SAMD12: variants seen among roughly 807,000 people sequenced by gnomAD.
SAMD12 encodes the protein sterile alpha motif domain containing 12.
A neutral mutation model predicts 15.0 loss-of-function variants in SAMD12; 9 were observed. The ratio of observed to expected loss-of-function variants is 0.60; its 90% CI spans 0.36 to 1.05. SAMD12 has a LOEUF of 1.05. Ranked by LOEUF, SAMD12 falls within the 50% of genes least tolerant of loss-of-function variation. SAMD12 has a pLI of 0.01. For missense variants in SAMD12, 230 were observed against 234.2 expected (o/e 0.98, Z 0.12); for synonymous variants, 86 against 90.1 (o/e 0.96, Z 0.25).
intron 3 of SAMD12, among the ~76,000 whole-genome samples, chr8:118,414,575 G>T (rs1308735131): frequency 6.6e-6 from 1 of 152,160 alleles, no homozygotes; most frequent in African/African-American, 2.4e-5. Context: ...TTTAAAATGA[G>T]GCTAAATATG....
chr8:118,223,429 T>A (rs1402416878), intron 4 of SAMD12, among the ~76,000 whole-genome samples: 2 of 152,164 alleles, frequency 1.3e-5, no homozygotes, highest in Non-Finnish European at 2.9e-5. Context: ...GCCAAAAACA[T>A]CTTAGCATTT....
At chr8:118,241,533 GAGAAGTTTA>G (rs1239838776) in intron 4 of SAMD12, among the ~76,000 whole-genome samples, 2 of 152,174 alleles carry the variant, frequency 1.3e-5, no homozygotes, top group Non-Finnish European at 2.9e-5. Flanking sequence ...CTTTTTCATG[GAGAAGTTTA>G]AGATGATTAT....
intron 2 of SAMD12, among the ~76,000 whole-genome samples, chr8:118,568,693 G>A (rs950575093): frequency 1.3e-5 from 2 of 152,192 alleles, no homozygotes; most frequent in Admixed American, 6.5e-5. Flanking sequence ...CCATCAGCAA[G>A]ATGGCAAGTC....
At chr8:118,201,700 T>A (rs1350828746) in intron 4 of SAMD12, among the ~76,000 whole-genome samples, 4 of 152,218 alleles carry the variant, frequency 2.6e-5, no homozygotes. Flanking sequence ...CTGGTCTGCA[T>A]GTGGAGAGTG....
At chr8:118,188,166 G>GA (rs1177465187), downstream of SAMD12, among the ~76,000 whole-genome samples, 1 of 152,004 alleles carries the variant, frequency 6.6e-6, no homozygotes, top group Non-Finnish European at 1.5e-5. Context: ...GCCTACAAAA[G>GA]AGAGAGGTAA....
At chr8:118,598,224 AC>A (rs1223443896) in intron 1 of SAMD12, among the ~76,000 whole-genome samples, 1 of 152,128 alleles carries the variant, frequency 6.6e-6, no homozygotes, top group East Asian at 1.9e-4. Flanking sequence ...GTTTCTCCCG[AC>A]CCCTAAAAAT....
chr8:118,277,868 C>T (rs750576516), intron 4 of SAMD12, among the ~76,000 whole-genome samples: 6 of 152,110 alleles, frequency 3.9e-5, no homozygotes, highest in Non-Finnish European at 8.8e-5. Flanking sequence ...AGATAGAGAG[C>T]TCTGAGTAAT....
chr8:118,184,048 A>G, the SAMD12 span, among the ~76,000 whole-genome samples: 1 of 152,206 alleles, frequency 6.6e-6, no homozygotes, highest in African/African-American at 2.4e-5. Context: ...CATAGTAAGC[A>G]CTCAATTAAT....
At chr8:118,554,706 T>C (rs538728773) in intron 2 of SAMD12, among the ~76,000 whole-genome samples, 2 of 151,236 alleles carry the variant, frequency 1.3e-5, no homozygotes, top group African/African-American at 4.9e-5. Context: ...AAAAAAAAAA[T>C]CTACAACCAA....
intron 4 of SAMD12, among the ~76,000 whole-genome samples, chr8:118,367,479 G>C (rs1026893808): frequency 6.6e-6 from 1 of 152,188 alleles, no homozygotes; most frequent in Non-Finnish European, 1.5e-5. Context: ...TGTAACATTA[G>C]TAATTTAAGA....
intron 1 of SAMD12, among the ~76,000 whole-genome samples, chr8:118,610,009 G>A (rs114314534): frequency 0.019 from 2,932 of 152,308 alleles, 77 homozygotes; most frequent in African/African-American, 0.065. Context: ...AATATCCATA[G>A]ATTCTTTTGT....
At chr8:118,410,530 T>G (rs1821358689) in intron 3 of SAMD12, among the ~76,000 whole-genome samples, 1 of 152,190 alleles carries the variant, frequency 6.6e-6, no homozygotes, top group South Asian at 2.1e-4. Flanking sequence ...ATCACCATCT[T>G]CCTGGTAGTT....
At chr8:118,376,772 C>T (rs540015224), downstream of SAMD12, among the ~76,000 whole-genome samples, 7,420 of 152,136 alleles carry the variant, frequency 0.049, 572 homozygotes, top group African/African-American at 0.16. Context: ...TTTGTTTGTA[C>T]TTATTCAGCA....
intron 2 of SAMD12, among the ~76,000 whole-genome samples, chr8:118,481,660 G>A (rs1824132053): frequency 6.6e-6 from 1 of 152,028 alleles, no homozygotes; most frequent in Non-Finnish European, 1.5e-5. Context: ...GGACACAGGA[G>A]GGATTTAAAA....
intron 4 of SAMD12, among the ~76,000 whole-genome samples, chr8:118,338,121 T>G (rs1817174622): frequency 1.3e-5 from 2 of 152,198 alleles, no homozygotes; most frequent in Admixed American, 1.3e-4. Flanking sequence ...TTAAATGTAC[T>G]GAAATCATCA....
At chr8:118,502,221 C>CAG (rs55862130) in intron 2 of SAMD12, among the ~76,000 whole-genome samples, 34,319 of 151,932 alleles carry the variant, frequency 0.23, 4,082 homozygotes, top group South Asian at 0.41. Flanking sequence ...TCTATTATAA[C>CAG]AGAGAGAAGC....
At chr8:118,454,898 T>C (rs1419859517) in intron 2 of SAMD12, among the ~76,000 whole-genome samples, 1 of 152,234 alleles carries the variant, frequency 6.6e-6, no homozygotes, top group Non-Finnish European at 1.5e-5. Context: ...TCTGTCTTTT[T>C]GTGACTGGCT....
At chr8:118,404,382 A>T (rs958356351) in intron 3 of SAMD12, among the ~76,000 whole-genome samples, 5 of 152,190 alleles carry the variant, frequency 3.3e-5, no homozygotes, top group Non-Finnish European at 7.3e-5. Flanking sequence ...TCCTGAAGAA[A>T]GTTCAAATAC....
At chr8:118,316,155 A>G (rs1354226133) in intron 4 of SAMD12, among the ~76,000 whole-genome samples, 2 of 152,134 alleles carry the variant, frequency 1.3e-5, no homozygotes, top group Non-Finnish European at 2.9e-5. Context: ...AAGAAGGTAG[A>G]CGACTACCAG....
Sources: gnomAD v4.1 joint callset for allele counts (sites outside exome capture counted in the v4.1 genomes callset) on GRCh38, gnomAD v4.1.1 for gene constraint, MANE v1.5 for transcripts, NCBI Gene and HGNC (gene_info 2026-07-23, HGNC 2026-07-21) for gene names.